THOP1: variants seen among roughly 807,000 people sequenced by gnomAD.
THOP1 encodes the protein thimet oligopeptidase.
A neutral mutation model predicts 71.8 loss-of-function variants in THOP1; 49 were observed. The observed-to-expected ratio is 0.68, with a 90% CI of 0.54 to 0.87. The LOEUF is 0.87. Ranked by LOEUF, THOP1 falls within the 40% of genes least tolerant of loss-of-function variation. The pLI is 0.00. For missense variants in THOP1, 843 were observed against 975.6 expected, an observed-to-expected ratio of 0.86 and a Z score of 1.81; for synonymous variants, 426 against 421.5, an observed-to-expected ratio of 1.01 and a Z score of -0.13.
In THOP1 at chr19:2,799,896, G is replaced by A. The variant is rs937635822; in HGVS notation, c.589+105G>A. On this transcript the variant is annotated intron_variant, in intron 5 of 12. Coordinates refer to ENST00000307741, the MANE Select transcript of THOP1 (RefSeq NM_003249.5). ...GCTTCCTCCTGTGGGCTTCTGTGCT[G>A]AAGGGCGGCGGGAGGCCGAAGTACG... 9.3e-6 allele frequency: 10 copies of A among 1,071,086 alleles called. 1 individual carries two copies. In the South Asian group the frequency reaches 1.4e-4, roughly 15 times the overall value. 66.3% of individuals were successfully genotyped at this position (1,071,086 alleles called of 1,614,324 possible).
chr19:2,812,410 C>T (rs1916500939), intron 12 of THOP1: 8 of 1,471,838 alleles, frequency 5.4e-6, no homozygotes, highest in Non-Finnish European at 7.2e-6. Context: ...CAGCTGCTCC[C>T]TTTATAGAGG....
intron 6 of THOP1, chr19:2,806,609 A>G (rs1599529744): frequency 4.9e-6 from 2 of 411,124 alleles, no homozygotes; most frequent in East Asian, 5.1e-5. Context: ...AGGCCTGGAC[A>G]TGGAGGTGTC....
chr19:2,810,077 G>A (rs1395439529), intron 9 of THOP1: 1 of 582,922 alleles, frequency 1.7e-6, no homozygotes. Context: ...CAGGGACGGG[G>A]TCATGTGGCC....
intron 11 of THOP1, among the ~76,000 whole-genome samples, chr19:2,811,207 G>T (rs571494494): frequency 6.6e-6 from 1 of 152,356 alleles, no homozygotes; most frequent in Admixed American, 6.5e-5. Flanking sequence ...AATACAGCAT[G>T]ATTTTAACAT....
intron 1 of THOP1, among the ~76,000 whole-genome samples, chr19:2,788,353 A>G (rs1915799737): frequency 1.3e-5 from 2 of 152,166 alleles, no homozygotes. Flanking sequence ...CTTTGTAAAA[A>G]TGCACATCTG....
intron 7 of THOP1, 91 bp downstream of exon 7, chr19:2,807,143 G>C (rs1429010836): frequency 6.9e-7 from 1 of 1,442,422 alleles, no homozygotes; most frequent in African/African-American, 1.4e-5. Context: ...CTAGAGCCTT[G>C]TCCTTTCCCT....
Position 2,785,555 on chromosome 19 carries a change from G to A in THOP1, c.-108G>A. ...GCCCCTTGGTCCTCAGGCGGCCGTGGCGGCGGTGGCGGCGGTTGGGCCGAG... is the reference window on the plus strand; with the variant it reads ...GCCCCTTGGTCCTCAGGCGGCCGTGACGGCGGTGGCGGCGGTTGGGCCGAG... On this transcript the variant is annotated 5_prime_UTR_variant, in exon 1 of 13. Transcript: ENST00000307741. 7.6e-7 allele frequency: 1 copy of A among 1,322,612 alleles called. No individual in the cohort carries two copies. The allele number at this position is 1,322,612 out of a possible 1,614,324, so 81.9% of individuals were successfully genotyped here.
chr19:2,794,664 G>C, intron 2 of THOP1, 100 bp from the exon 3 acceptor site: 1 of 1,426,312 alleles, frequency 7.0e-7, no homozygotes, highest in Non-Finnish European at 9.6e-7. Flanking sequence ...AGTTCACGGG[G>C]GGATTCAGCA....
rs749933064 is a variant in THOP1, at chr19:2,790,428, A to G, written c.24A>G (p.Ala8=). 9 of 1,556,146 alleles carry G rather than the reference A, an allele frequency of 5.8e-6. No individual in the cohort carries two copies. The African/African-American group carries it at 1.2e-4, about 21-fold the overall frequency. The change falls in exon 2 of 13, where the codon GCA becomes GCG. Residue 8 remains alanine (A), a synonymous_variant. Transcript: ENST00000307741. MKPPAAC[A]GDMADAASPC... is the part of the protein sequence containing the mutation. Reference sequence around the variant, plus strand: ...GGTTTTGTTTCTGCGTAGCCTGTGCAGGAGACATGGCGGACGCAGCATCTC... The same window carrying G: ...GGTTTTGTTTCTGCGTAGCCTGTGCGGGAGACATGGCGGACGCAGCATCTC...
chr19:2,791,935 C>T (rs1915892770), intron 2 of THOP1, among the ~76,000 whole-genome samples: 1 of 152,224 alleles, frequency 6.6e-6, no homozygotes, highest in African/African-American at 2.4e-5. Flanking sequence ...GTGCCTGGCA[C>T]CCTCCCCCAG....
Position 2,801,323 on chromosome 19 carries a change from G to A in THOP1, c.589+1532G>A, listed in dbSNP as rs561049778. ...TTCAGCCAGTTTTGTTCTTGTCGGC[G>A]TTTCAGCTGCCTGTTTCTTTTCACG... On this transcript the variant is annotated intron_variant, in intron 5 of 12. Coordinates refer to ENST00000307741, the MANE Select transcript of THOP1 (RefSeq NM_003249.5). The surrounding 1 kb of genome is among the most constrained non-coding windows in gnomAD (Gnocchi z 5.1). Among the ~76,000 whole-genome samples, 16 of 152,340 alleles carry A rather than the reference G, an allele frequency of 1.1e-4. No individual in the cohort carries two copies. Among genetic ancestry groups the A allele is most frequent in the East Asian group, 3.9e-4 (2 of 5,190 alleles).
At chr19:2,792,119 C>T (rs902961221) in intron 2 of THOP1, among the ~76,000 whole-genome samples, 3 of 152,256 alleles carry the variant, frequency 2.0e-5, no homozygotes, top group South Asian at 2.1e-4. Flanking sequence ...GTCGTCCCTG[C>T]GGTCACTTGT....
At chr19:2,809,627 C>T (rs1034997458) in intron 9 of THOP1, 1 of 152,340 alleles carries the variant, frequency 6.6e-6, no homozygotes, top group Admixed American at 6.5e-5. Flanking sequence ...ACTGTTTGCA[C>T]AGCACTCGTA....
At chr19:2,795,990 C>T (rs1206616784) in intron 3 of THOP1, 91 bp from the exon 4 acceptor site, 4 of 958,906 alleles carry the variant, frequency 4.2e-6, no homozygotes, top group South Asian at 1.4e-5. Flanking sequence ...ACACGGGGGC[C>T]GGATGATCAG....
intron 1 of THOP1, 42 bp from the exon 2 acceptor site, chr19:2,790,374 TGAACC>T: frequency 6.7e-7 from 1 of 1,481,638 alleles, no homozygotes. Flanking sequence ...TGACCCTAAC[TGAACC>T]GAAAGCAGAC....
intron 1 of THOP1, among the ~76,000 whole-genome samples, chr19:2,789,338 C>A (rs1915824604): frequency 6.6e-6 from 1 of 152,234 alleles, no homozygotes; most frequent in African/African-American, 2.4e-5. Flanking sequence ...CCGAGCCGCA[C>A]TGACTTCACA....
chr19:2,799,875 C>A, intron 5 of THOP1, 84 bp downstream of exon 5: 1 of 1,263,902 alleles, frequency 7.9e-7, no homozygotes, highest in Non-Finnish European at 1.1e-6. Flanking sequence ...GCCGCCGCTT[C>A]CTCCTGTGGG....
chr19:2,800,797 T>TG (rs1318300197), intron 5 of THOP1, among the ~76,000 whole-genome samples: 2 of 152,010 alleles, frequency 1.3e-5, no homozygotes, highest in Admixed American at 1.3e-4. Context: ...TGCCCCTCAG[T>TG]GGGTGCACTG....
chr19:2,785,595 T>A lies in THOP1; in HGVS notation c.-68T>A, dbSNP rs541129526. 2.4e-5 allele frequency: 35 copies of A among 1,477,478 alleles called. No individual in the cohort carries two copies. The South Asian group carries it at 4.4e-4, about 19-fold the overall frequency. The allele number at this position is 1,477,478 out of a possible 1,614,324, so 91.5% of individuals were successfully genotyped here. On this transcript the variant is annotated 5_prime_UTR_variant, in exon 1 of 13. Coordinates refer to ENST00000307741, the MANE Select transcript of THOP1 (RefSeq NM_003249.5). ...GTTGGGCCGAGGCAGGCGGCCTCAG[T>A]GGCCGAGGTGGCTGGACGCGTAGCA...
Sources: allele counts gnomAD v4.1 joint callset (sites outside exome capture counted in the v4.1 genomes callset), GRCh38; gene constraint gnomAD v4.1.1; non-coding constraint Gnocchi (gnomAD v3.1); transcripts MANE v1.5; gene names NCBI Gene and HGNC (gene_info 2026-07-23, HGNC 2026-07-21).